Variants in ATP8A2 observed in about 807,000 individuals in gnomAD.
ATP8A2 encodes the protein phospholipid-transporting ATPase IB.
ATP8A2 carries 100 observed loss-of-function variants against 165.6 expected under a neutral mutation model. The ratio of observed to expected loss-of-function variants is 0.60; its 90% CI spans 0.51 to 0.71. The LOEUF is 0.71. ATP8A2 is among the 30% of genes least tolerant of loss of function. ATP8A2 has a pLI of 0.00. For synonymous variants in ATP8A2, 543 were observed against 548.8 expected (o/e 0.99, Z 0.15); for missense variants, 1,227 against 1,479.5 (o/e 0.83, Z 2.80).
chr13:25,738,438 C>T (rs1367049342), intron 25 of ATP8A2, among the ~76,000 whole-genome samples: 4 of 146,758 alleles, frequency 2.7e-5, no homozygotes, highest in African/African-American at 5.0e-5. Flanking sequence ...TCTTCTCATT[C>T]TGAGGTCTAC....
At chr13:25,432,664 ATT>A (rs60236450) in intron 1 of ATP8A2, among the ~76,000 whole-genome samples, 16 of 144,906 alleles carry the variant, frequency 1.1e-4, no homozygotes, top group African/African-American at 3.3e-4. Flanking sequence ...TCTTCCTGTC[ATT>A]TTTTTTTTTC....
At chr13:25,649,438 G>C (rs140186717) in intron 24 of ATP8A2, among the ~76,000 whole-genome samples, 1 of 152,174 alleles carries the variant, frequency 6.6e-6, no homozygotes, top group Non-Finnish European at 1.5e-5. Flanking sequence ...TCAAAGTTAA[G>C]TGGAGACACT....
intron 1 of ATP8A2, among the ~76,000 whole-genome samples, chr13:25,415,045 G>A (rs1257011166): frequency 2.0e-5 from 3 of 152,180 alleles, no homozygotes; most frequent in Non-Finnish European, 2.9e-5. Context: ...AGATGGTTTC[G>A]GAGAAAAGTG....
At chr13:25,521,795 TC>T (rs1284259769) in intron 2 of ATP8A2, among the ~76,000 whole-genome samples, 1 of 152,216 alleles carries the variant, frequency 6.6e-6, no homozygotes, top group Non-Finnish European at 1.5e-5. Flanking sequence ...CACCTTGGCC[TC>T]CCAATGGCTT....
intron 6 of ATP8A2, 104 bp from the exon 7 acceptor site, chr13:25,537,884 A>C (rs754808293): frequency 5.9e-6 from 4 of 677,944 alleles, no homozygotes; most frequent in Non-Finnish European, 9.8e-6. Flanking sequence ...TTCATGGCTT[A>C]GTTATATAAT....
intron 24 of ATP8A2, among the ~76,000 whole-genome samples, chr13:25,693,891 A>T (rs1158775935): frequency 6.7e-6 from 1 of 148,364 alleles, no homozygotes; most frequent in African/African-American, 2.5e-5. Context: ...CTGGAGATGG[A>T]GTCTTGCTCT....
At chr13:25,572,093 T>G (rs914275942) in intron 18 of ATP8A2, among the ~76,000 whole-genome samples, 15 of 151,914 alleles carry the variant, frequency 9.9e-5, no homozygotes, top group African/African-American at 3.6e-4. Context: ...GGCTTCAGTC[T>G]CTTCAGCTGG....
intron 33 of ATP8A2, among the ~76,000 whole-genome samples, chr13:25,945,497 A>G (rs950419345): frequency 5.9e-5 from 9 of 152,156 alleles, no homozygotes; most frequent in Admixed American, 3.3e-4. Flanking sequence ...ATTCTTCACA[A>G]TTTTCACTGG....
Position 25,514,233 on chromosome 13 carries a change from C to A in ATP8A2, c.222-15766C>A, listed in dbSNP as rs555151265. 2.0e-5 allele frequency among the ~76,000 whole-genome samples: 3 copies of A among 152,094 alleles called. No homozygotes were observed. In the South Asian group the frequency reaches 6.2e-4, roughly 32 times the overall value. ...TCCTTTTTAGAAATACCATCTTATT[C>A]TTGTTTCATGTGAATGTGTTATCAT... On this transcript the variant is annotated intron_variant, in intron 2 of 36. Coordinates refer to ENST00000381655, the MANE Select transcript of ATP8A2 (RefSeq NM_016529.6).
chr13:25,590,217 G>A (rs2040032482), intron 24 of ATP8A2, among the ~76,000 whole-genome samples: 2 of 152,152 alleles, frequency 1.3e-5, no homozygotes, highest in South Asian at 4.1e-4. Context: ...TTTAACCAAG[G>A]AGTTCCAGAC....
At chr13:25,994,919 TTCTGGAAGAGATTATGTAGAAC>T (rs1370188247) in intron 35 of ATP8A2, among the ~76,000 whole-genome samples, 5 of 152,126 alleles carry the variant, frequency 3.3e-5, no homozygotes, top group African/African-American at 7.2e-5. Context: ...CTTTTCTGTT[TTCTGGAAGAGATTATGTAGAAC>T]TGGTGGTAAG....
intron 24 of ATP8A2, among the ~76,000 whole-genome samples, chr13:25,631,744 C>A (rs963326781): frequency 1.3e-5 from 2 of 152,074 alleles, no homozygotes; most frequent in South Asian, 4.2e-4. Flanking sequence ...GCCACCACCA[C>A]CAACATATAG....
intron 24 of ATP8A2, among the ~76,000 whole-genome samples, chr13:25,633,383 C>T (rs1292562162): frequency 2.0e-5 from 3 of 152,060 alleles, no homozygotes; most frequent in Admixed American, 6.6e-5. Context: ...ATACACATCA[C>T]GAGCCTCAGA....
At chr13:25,949,809 T>G (rs1009270126) in intron 33 of ATP8A2, among the ~76,000 whole-genome samples, 1 of 152,142 alleles carries the variant, frequency 6.6e-6, no homozygotes, top group Non-Finnish European at 1.5e-5. Context: ...CAAACTGCCT[T>G]TTTTTTCTGA....
In ATP8A2 at chr13:25,512,259, A is replaced by G. The variant is rs147697421; in HGVS notation, c.222-17740A>G. 3.2e-3 allele frequency among the ~76,000 whole-genome samples: 486 copies of G among 152,278 alleles called. 4 individuals are homozygous for G. Among genetic ancestry groups the G allele is most frequent in the African/African-American group, 0.011 (462 of 41,554 alleles). On this transcript the variant is annotated intron_variant, in intron 2 of 36. Coordinates refer to ENST00000381655, the MANE Select transcript of ATP8A2 (RefSeq NM_016529.6). ...GAATAATTTTTCTTAGTACAGAACA[A>G]AAAGTCTCCCATGTCTACCTCTTTC...
chr13:26,009,668 T>C (rs1388580471), intron 35 of ATP8A2, among the ~76,000 whole-genome samples: 3 of 152,116 alleles, frequency 2.0e-5, no homozygotes, highest in African/African-American at 4.8e-5. Context: ...GCCTGGGCCA[T>C]GGGAGGGTGT....
At chr13:25,991,448 A>G (rs975508) in intron 35 of ATP8A2, among the ~76,000 whole-genome samples, 62,085 of 151,940 alleles carry the variant, frequency 0.41, 13,004 homozygotes, top group Middle Eastern at 0.47. Flanking sequence ...CACAAGGACC[A>G]CTTCCTCCCT....
intron 33 of ATP8A2, 113 bp from the exon 34 acceptor site, chr13:25,961,462 A>T (rs1955658540): frequency 1.2e-6 from 1 of 865,480 alleles, no homozygotes; most frequent in East Asian, 2.6e-5. Context: ...CTCTCATTGC[A>T]TTTAGTGCGG....
Position 25,579,829 on chromosome 13 carries a change from C to G in ATP8A2, c.1889C>G (p.Ala630Gly), listed in dbSNP as rs199559447. 1.9e-6 allele frequency: 3 copies of G among 1,613,164 alleles called. No homozygotes were observed. The highest frequency in any genetic ancestry group is 2.7e-5 in the African/African-American group (2 of 74,942). ...GCAGGCTTGCGGACTCTCTGTGTGG[C>G]TTATGCTGATCTCTCTGAGAATGAG... Reference protein sequence around the residue: ...ATEGLRTLCVAYADLSENEYE... With the variant: ...ATEGLRTLCVGYADLSENEYE... Residue 630 changes from alanine (A) to glycine (G), a missense_variant, in exon 22 of 37, where the codon GCT becomes GGT. Around this residue, in one of 5 missense-constraint regions of ATP8A2, gnomAD observed 592 missense variants for 785.6 expected, o/e 0.75. Coordinates refer to ENST00000381655, the MANE Select transcript of ATP8A2 (RefSeq NM_016529.6).
Sources: gnomAD v4.1 joint callset for allele counts (sites outside exome capture counted in the v4.1 genomes callset) on GRCh38, gnomAD v4.1.1 for gene constraint, gnomAD v4.1.1 regional missense constraint, MANE v1.5 for transcripts, NCBI Gene and HGNC (gene_info 2026-07-23, HGNC 2026-07-21) for gene names.